The following OPLAH variants were observed in gnomAD, a reference collection of about 807,000 sequenced individuals.
OPLAH encodes 5-oxoprolinase.
A neutral mutation model predicts 122.8 loss-of-function variants in OPLAH; 103 were observed. The observed-to-expected ratio is 0.84, with a 90% CI of 0.71 to 0.99. The LOEUF (loss-of-function observed/expected upper bound fraction) is 0.99, where lower values mean the gene tolerates loss of function less well. Ranked by LOEUF, OPLAH falls within the 50% of genes least tolerant of loss-of-function variation. The pLI is 0.00. For missense variants in OPLAH, 1,902 were observed against 1,836.5 expected, an observed-to-expected ratio of 1.04 and a Z score of -0.65; for synonymous variants, 875 against 796.0, an observed-to-expected ratio of 1.10 and a Z score of -1.67.
chr8:144,060,459 C>T (rs1378362176), intron 1 of OPLAH, among the ~76,000 whole-genome samples, 194 bp downstream of exon 1: 1 of 152,228 alleles, frequency 6.6e-6, no homozygotes, highest in Non-Finnish European at 1.5e-5. Flanking sequence ...GACCCCACTT[C>T]CCGCTTTGCT....
chr8:144,057,313 C>T lies in OPLAH; in HGVS notation c.1430G>A (p.Gly477Asp), dbSNP rs782584220. 2.5e-6 allele frequency: 4 copies of T among 1,611,572 alleles called. No individual in the cohort carries two copies. The highest frequency in any genetic ancestry group is 3.4e-6 in the Non-Finnish European group (4 of 1,179,398). The change falls in exon 11 of 27, where the codon GGC becomes GAC. Residue 477 changes from glycine (G) to aspartate (D), a missense_variant. By Grantham distance (94) the Gly-to-Asp change is moderately conservative. This residue lies in a region of OPLAH where 1,726 missense variants were observed against 1,642.1 expected (regional missense o/e 1.05). Coordinates refer to ENST00000618853, the MANE Select transcript of OPLAH (RefSeq NM_017570.5). ...CAGCACATGGGCTGAGGGGTCATGG[C>T]CTCTTGCCTAGGGAGACAGAAGGGG... ...RPIRALTQAR[G>D]HDPSAHVLAC...
chr8:144,053,351 C>T lies in OPLAH; in HGVS notation c.2729G>A (p.Cys910Tyr), dbSNP rs1321818288. The T allele has an allele frequency of 6.2e-7, 1 of 1,612,688 alleles. No individual in the cohort carries two copies. Among genetic ancestry groups the T allele is most frequent in the Non-Finnish European group, 8.5e-7 (1 of 1,179,726 alleles). ...GTCGTGCAGGTTTCTGGTTCCGCTGCAGTTGGGGACCTTGCCTGGCGCCCG... is the reference window on the plus strand; with the variant it reads ...GTCGTGCAGGTTTCTGGTTCCGCTGTAGTTGGGGACCTTGCCTGGCGCCCG... Reference protein sequence around the residue: ...ALRAPGKVPNCSGTRNLHDNL... With the variant: ...ALRAPGKVPNYSGTRNLHDNL... The change falls in exon 20 of 27, where the codon TGC (cysteine) becomes TAC (tyrosine). Residue 910 changes from cysteine (C) to tyrosine (Y), a missense_variant. By Grantham distance (194) the Cys-to-Tyr change is radical. Around this residue, in one of 3 missense-constraint regions of OPLAH, gnomAD observed 1,726 missense variants for 1,642.1 expected, o/e 1.05. Coordinates refer to ENST00000618853, the MANE Select transcript of OPLAH (RefSeq NM_017570.5).
intron 7 of OPLAH, 39 bp from the exon 8 acceptor site, chr8:144,058,187 C>G (rs1554759879): frequency 6.2e-7 from 1 of 1,606,970 alleles, no homozygotes; most frequent in Admixed American, 1.7e-5. Context: ...CTTGAAGACC[C>G]AGGGGCCCAG....
Position 144,058,051 on chromosome 8 carries a change from G to T in OPLAH, c.1047C>A (p.Ile349=). ...AACCCCCTCCCGCTGCCACGGTGTTGATGTCCAGCTGCGGGGCCTGGAGGG... is the reference window on the plus strand; with the variant it reads ...AACCCCCTCCCGCTGCCACGGTGTTTATGTCCAGCTGCGGGGCCTGGAGGG... ...GVTLQAPQLD[I]NTVAAGGGSR... Residue 349 remains isoleucine (I), a synonymous_variant, in exon 8 of 27, where the codon ATC becomes ATA. Coordinates refer to ENST00000618853, the MANE Select transcript of OPLAH (RefSeq NM_017570.5). The T allele has an allele frequency of 6.2e-7, 1 of 1,612,576 alleles. No homozygotes were observed.
Position 144,051,898 on chromosome 8 carries a change from G to A in OPLAH, c.3622+18C>T. 1.3e-6 allele frequency: 2 copies of A among 1,530,200 alleles called. No homozygotes were observed. Among genetic ancestry groups the A allele is most frequent in the African/African-American group, 1.4e-5 (1 of 72,686 alleles). 94.8% of individuals were successfully genotyped at this position (1,530,200 alleles called of 1,614,324 possible). ...GGGCGGGGGCGGGGAGGGCCGCGAG[G>A]GCTGGGGAACCGCGCACCGTGGAGC... On this transcript the variant is annotated intron_variant, in intron 25 of 26. Coordinates refer to ENST00000618853, the MANE Select transcript of OPLAH (RefSeq NM_017570.5).
In OPLAH at chr8:144,057,197, C is replaced by A; in HGVS notation, c.1535+11G>T. 9 of 1,609,858 alleles carry A rather than the reference C, an allele frequency of 5.6e-6. No homozygotes were observed. The highest frequency in any genetic ancestry group is 7.6e-6 in the Non-Finnish European group (9 of 1,178,660). On this transcript the variant is annotated intron_variant, in intron 11 of 26. Transcript: ENST00000618853. ...ATCACACCACCTCCGTGCACCCACA[C>A]CCAGGCCCACCTGTGGATGTGCACC...
chr8:144,056,868 G>A, intron 12 of OPLAH, 80 bp downstream of exon 12: 1 of 1,515,648 alleles, frequency 6.6e-7, no homozygotes, highest in Non-Finnish European at 8.9e-7. Context: ...GACCACCTGG[G>A]AAGTCATCAG....
At position 144,058,144 on chromosome 8, in the gene OPLAH, C is replaced by T. The variant is rs782037497; in HGVS notation, c.954G>A (p.Thr318=). The T allele has an allele frequency of 1.2e-5, 19 of 1,612,178 alleles. No individual in the cohort carries two copies. Among genetic ancestry groups the T allele is most frequent in the East Asian group, 4.5e-5 (2 of 44,882 alleles). The change falls in exon 8 of 27, where the codon ACG becomes ACA. Residue 318 remains threonine (T), a synonymous_variant. Transcript: ENST00000618853. ...QPVIGFDMGG[T]STDVSRYAGE... ...CAGCATAGCGGCTCACATCCGTGGA[C>T]GTGCCTGGCAGGGGTGGGGTGCTGG...
chr8:144,056,792 C>A, intron 12 of OPLAH, 37 bp from the exon 13 acceptor site: 1 of 1,572,194 alleles, frequency 6.4e-7, no homozygotes, highest in South Asian at 1.2e-5. Context: ...CACCAAACCC[C>A]CTGCCCTGAC....
Position 144,059,676 on chromosome 8 carries a change from C to T in OPLAH, c.286G>A (p.Val96Met), listed in dbSNP as rs536501089. The T allele has an allele frequency of 5.0e-6, 8 of 1,612,566 alleles. No homozygotes were observed. The African/African-American group carries it at 9.3e-5, about 19-fold the overall frequency. The change falls in exon 3 of 27, where the codon GTG (valine) becomes ATG (methionine). Residue 96 changes from valine (V) to methionine (M), a missense_variant. By Grantham distance (21) the Val-to-Met change is conservative. Coordinates refer to ENST00000618853, the MANE Select transcript of OPLAH (RefSeq NM_017570.5). ...AAGCCACGTGTCACCAGCAGCGCCA[C>T]CCGCTCCCCCTTCCGCTCCAGCAGT... is the stretch of plus-strand genomic sequence containing the variant. ...NALLERKGER[V>M]ALLVTRGFRD...
rs782711808 is a variant in OPLAH, at chr8:144,058,260, C to A, written c.928G>T (p.Val310Phe). The change falls in exon 7 of 27, where the codon GTC becomes TTC. Residue 310 changes from valine to phenylalanine, a missense_variant. Val to Phe is a conservative substitution (Grantham distance 50). This residue lies in a region of OPLAH where 1,726 missense variants were observed against 1,642.1 expected (regional missense o/e 1.05). Coordinates refer to ENST00000618853, the MANE Select transcript of OPLAH (RefSeq NM_017570.5). ...TTYQQEGGQP[V>F]IGFDMGGTST... is the part of the protein sequence containing the mutation. ...ATACCTCCCATGTCAAAGCCGATGA[C>A]AGGCTGGCCACCCTCCTGCTGGTAG... 3 of 1,610,586 alleles carry A rather than the reference C, an allele frequency of 1.9e-6. No individual in the cohort carries two copies. Among genetic ancestry groups the A allele is most frequent in the Non-Finnish European group, 2.5e-6 (3 of 1,178,868 alleles).
rs375714095 is a variant in OPLAH at position 144,057,092 on chromosome 8, C to A, written c.1562G>T (p.Gly521Val). 1 of 1,602,424 alleles carries A rather than the reference C, an allele frequency of 6.2e-7. No individual in the cohort carries two copies. The highest frequency in any genetic ancestry group is 1.3e-5 in the African/African-American group (1 of 74,810). ...ATGCACCACGTCAGCCAGGGCCAGC[C>A]CCAGGGCCGACAGCAGCCCACTGTG... ...HRHSGLLSAL[G>V]LALADVVHEA... Residue 521 changes from glycine to valine, a missense_variant, in exon 12 of 27, where the codon GGG (glycine) becomes GTG (valine). By Grantham distance (109) the Gly-to-Val change is moderately radical. Around this residue, in one of 3 missense-constraint regions of OPLAH, gnomAD observed 1,726 missense variants for 1,642.1 expected, o/e 1.05. Coordinates refer to ENST00000618853, the MANE Select transcript of OPLAH (RefSeq NM_017570.5).
chr8:144,050,984 C>T, downstream of OPLAH: 26 of 1,080,374 alleles, frequency 2.4e-5, no homozygotes, highest in Non-Finnish European at 2.9e-5. Flanking sequence ...ACCTGGCCGG[C>T]CTTCCCGGCA....
chr8:144,056,100 G>T, intron 15 of OPLAH, 47 bp downstream of exon 15: 2 of 1,564,194 alleles, frequency 1.3e-6, no homozygotes, highest in Non-Finnish European at 1.7e-6. Flanking sequence ...CAGGGGCCCC[G>T]CAGTGGACCC....
At position 144,057,460 on chromosome 8, in the gene OPLAH, A is replaced by G. The variant is rs1554759584; in HGVS notation, c.1410T>C (p.Arg470=). ...GAGGTGGACGTACCTGCGTGAGTGC[A>G]CGGATGGGCCGGCACATGGCCTCGT... ...VANEAMCRPI[R]ALTQARGHDP... Residue 470 remains arginine (R), a synonymous_variant, in exon 10 of 27, where the codon CGT becomes CGC. Coordinates refer to ENST00000618853, the MANE Select transcript of OPLAH (RefSeq NM_017570.5). 2.5e-6 allele frequency: 4 copies of G among 1,588,018 alleles called. No individual in the cohort carries two copies. In the African/African-American group the frequency reaches 4.0e-5, roughly 16 times the overall value.
At chr8:144,054,043 C>A (rs1445078153) in intron 19 of OPLAH, among the ~76,000 whole-genome samples, 2 of 148,682 alleles carry the variant, frequency 1.3e-5, no homozygotes, top group Non-Finnish European at 3.0e-5. Context: ...AGCTTCCCCC[C>A]ACCTTGCCCC....
In OPLAH at chr8:144,059,686, C is replaced by T. The variant is rs781872246; in HGVS notation, c.276G>A (p.Lys92=). 3 of 1,612,310 alleles carry T rather than the reference C, an allele frequency of 1.9e-6. No homozygotes were observed. Among genetic ancestry groups the T allele is most frequent in the East Asian group, 2.2e-5 (1 of 44,888 alleles). The part of the protein sequence containing the change: ...TVATNALLER[K]GERVALLVTR... ...TCACCAGCAGCGCCACCCGCTCCCCCTTCCGCTCCAGCAGTGCGTTGGTGG... is the reference window on the plus strand; with the variant it reads ...TCACCAGCAGCGCCACCCGCTCCCCTTTCCGCTCCAGCAGTGCGTTGGTGG... The change falls in exon 3 of 27, where the codon AAG becomes AAA. Residue 92 remains lysine, a synonymous_variant. Transcript: ENST00000618853.
At position 144,052,578 on chromosome 8, in the gene OPLAH, G is replaced by A. The variant is rs782104452; in HGVS notation, c.3174C>T (p.Arg1058=). The A allele has an allele frequency of 1.3e-6, 2 of 1,596,220 alleles. No homozygotes were observed. The highest frequency in any genetic ancestry group is 1.7e-6 in the Non-Finnish European group (2 of 1,177,448). ...PLNQGCLAPV[R]VVIPRGSILD... ...GGATGGAGCCTCGGGGAATGACCAC[G>A]CGCACTGGCGCCAGGCAGCCCTGTG... The change falls in exon 23 of 27, where the codon CGC becomes CGT. Residue 1058 remains arginine, a synonymous_variant. Transcript: ENST00000618853.
chr8:144,059,126 G>A (rs1275268529), intron 3 of OPLAH, 47 bp from the exon 4 acceptor site: 1 of 1,472,272 alleles, frequency 6.8e-7, no homozygotes, highest in Non-Finnish European at 9.2e-7. Context: ...TGAGGGTCCA[G>A]GCCGGGGTCC....
Sources: gnomAD v4.1 joint callset for allele counts (sites outside exome capture counted in the v4.1 genomes callset) on GRCh38, gnomAD v4.1.1 for gene constraint, gnomAD v4.1.1 regional missense constraint, MANE v1.5 for transcripts, NCBI Gene and HGNC (gene_info 2026-07-23, HGNC 2026-07-21) for gene names.